The following ILDR1 variants were observed in gnomAD, a reference collection of about 807,000 sequenced individuals.
ILDR1 encodes the protein immunoglobulin-like domain-containing receptor 1.
Under a neutral mutation model 62.4 loss-of-function variants are expected in ILDR1, and 56 were observed. The ratio of observed to expected loss-of-function variants is 0.90; its 90% CI spans 0.72 to 1.12. ILDR1 has a LOEUF of 1.12. ILDR1 is among the 50% of genes most tolerant of loss of function. The pLI, the probability that ILDR1 is intolerant of heterozygous loss-of-function variation, is 0.00. For synonymous variants in ILDR1, 284 were observed against 277.8 expected (o/e 1.02, Z -0.22); for missense variants, 736 against 710.6 (o/e 1.04, Z -0.41).
intron 1 of ILDR1, among the ~76,000 whole-genome samples, chr3:122,008,944 T>C (rs1347044046): frequency 2.6e-5 from 4 of 151,264 alleles, no homozygotes; most frequent in African/African-American, 9.7e-5. Flanking sequence ...CTTTTTTTCT[T>C]TTTTTTTGAG....
Position 122,012,032 on chromosome 3 carries a change from C to T in ILDR1, c.59-4871G>A, listed in dbSNP as rs1467490066. Among the ~76,000 whole-genome samples, 4 of 152,200 alleles carry T rather than the reference C, an allele frequency of 2.6e-5. No homozygotes were observed. In the East Asian group the frequency reaches 5.8e-4, roughly 22 times the overall value. ...CAAAGTAGAAGTCAGGCGCCAGGCTCTTAAAAAGCAGTCAGATTTTCCAGA... is the reference window on the plus strand; with the variant it reads ...CAAAGTAGAAGTCAGGCGCCAGGCTTTTAAAAAGCAGTCAGATTTTCCAGA... On this transcript the variant is annotated intron_variant, in intron 1 of 7. Transcript: ENST00000344209.
the ILDR1 span, among the ~76,000 whole-genome samples, chr3:122,044,713 T>G: frequency 1.3e-5 from 2 of 151,384 alleles, no homozygotes; most frequent in Non-Finnish European, 3.0e-5. Flanking sequence ...GTAGAGGTGT[T>G]TGTAGTATTC....
At chr3:122,059,193 T>G in the ILDR1 span, among the ~76,000 whole-genome samples, 9 of 152,038 alleles carry the variant, frequency 5.9e-5, no homozygotes, top group Admixed American at 5.2e-4. Context: ...ACATGAAGAG[T>G]CTTCTGCATA....
chr3:122,007,340 G>A (rs998203481), intron 1 of ILDR1, 179 bp from the exon 2 acceptor site: 43 of 1,367,354 alleles, frequency 3.1e-5, no homozygotes, highest in East Asian at 1.5e-4. Flanking sequence ...GGGTGAGAAC[G>A]CACTCAGCAG....
chr3:121,989,864 T>C (rs2071313819), intron 7 of ILDR1, among the ~76,000 whole-genome samples: 1 of 115,962 alleles, frequency 8.6e-6, no homozygotes, highest in African/African-American at 3.0e-5. Flanking sequence ...TCAATATCTA[T>C]TTGTCAAATA....
At chr3:122,021,874 C>G (rs1300115744) in intron 1 of ILDR1, 146 bp downstream of exon 1, 2 of 720,480 alleles carry the variant, frequency 2.8e-6, no homozygotes, top group Admixed American at 2.3e-5. Context: ...GATCCAGTCC[C>G]CGCACCTCCT....
At chr3:122,047,947 C>A in the ILDR1 span, among the ~76,000 whole-genome samples, 1 of 152,184 alleles carries the variant, frequency 6.6e-6, no homozygotes, top group African/African-American at 2.4e-5. Context: ...CCACCTATTT[C>A]TTTTTCTTAC....
In ILDR1 at chr3:121,988,419, G is replaced by T; in HGVS notation, c.1600-11C>A. The T allele has an allele frequency of 6.2e-7, 1 of 1,611,558 alleles. No individual in the cohort carries two copies. Among genetic ancestry groups the T allele is most frequent in the Non-Finnish European group, 8.5e-7 (1 of 1,177,782 alleles). ...AGAGCTGTCTTTCTCCTGGGAAATA[G>T]AAGAATACACACACAAAAAAAATCC... On this transcript the variant is annotated splice_polypyrimidine_tract_variant and intron_variant, in intron 7 of 7. Transcript: ENST00000344209.
intron 1 of ILDR1, among the ~76,000 whole-genome samples, chr3:122,017,245 C>T (rs905213716): frequency 5.9e-5 from 9 of 152,206 alleles, no homozygotes; most frequent in Non-Finnish European, 8.8e-5. Flanking sequence ...GAAGGGGTTT[C>T]GCCATGTTGG....
At chr3:122,009,447 TG>T (rs201777200) in intron 1 of ILDR1, among the ~76,000 whole-genome samples, 1 of 94,206 alleles carries the variant, frequency 1.1e-5, no homozygotes, top group Non-Finnish European at 2.2e-5. Flanking sequence ...ACTCTCTCTC[TG>T]AGCTAGTTTC....
chr3:122,003,351 A>AT (rs970114316), intron 3 of ILDR1, among the ~76,000 whole-genome samples: 2 of 152,032 alleles, frequency 1.3e-5, no homozygotes, highest in Non-Finnish European at 2.9e-5. Context: ...AATATCTACA[A>AT]TTTTTTTCCT....
chr3:121,997,772 C>T (rs2071459256), intron 5 of ILDR1, among the ~76,000 whole-genome samples: 1 of 152,176 alleles, frequency 6.6e-6, no homozygotes, highest in Non-Finnish European at 1.5e-5. Flanking sequence ...AGTAACTGCT[C>T]TAGGGATGAA....
At position 121,993,319 on chromosome 3, in the gene ILDR1, C is replaced by A; in HGVS notation, c.1430G>T (p.Ser477Ile). Reference sequence around the variant, plus strand: ...CTTGTCCTCTTCAGAGCTCCAGGAACTGAGGCCGGAGGGCAAGGGAGGAGA... The same window carrying A: ...CTTGTCCTCTTCAGAGCTCCAGGAAATGAGGCCGGAGGGCAAGGGAGGAGA... ...SYSPPLPSGL[S>I]SWSSEEDKER... Residue 477 changes from serine to isoleucine, a missense_variant, in exon 7 of 8, where the codon AGT becomes ATT. Coordinates refer to ENST00000344209, the MANE Select transcript of ILDR1 (RefSeq NM_001199799.2). 1.2e-6 allele frequency: 2 copies of A among 1,612,028 alleles called. No homozygotes were observed. Among genetic ancestry groups the A allele is most frequent in the Non-Finnish European group, 1.7e-6 (2 of 1,178,548 alleles).
chr3:122,017,757 G>T (rs2107678505), intron 1 of ILDR1, among the ~76,000 whole-genome samples: 1 of 152,296 alleles, frequency 6.6e-6, no homozygotes, highest in East Asian at 1.9e-4. Context: ...CTTCTCCAAA[G>T]AAGACATTTA....
Position 122,005,236 on chromosome 3 carries a change from G to T in ILDR1, c.379+8C>A. 2.3e-6 allele frequency: 1 copy of T among 436,014 alleles called. No homozygotes were observed. Among genetic ancestry groups the T allele is most frequent in the Non-Finnish European group, 4.0e-6 (1 of 248,440 alleles). The allele number at this position is 436,014 out of a possible 1,614,324, so 27.0% of individuals were successfully genotyped here. ...CCCCAGTTCCCCTGACACCTCCCCC[G>T]CACTCACGGTTCTGGATGGTGATCT... is the stretch of plus-strand genomic sequence containing the variant. On this transcript the variant is annotated splice_region_variant and intron_variant, in intron 3 of 7. Transcript: ENST00000344209.
chr3:122,057,496 A>G, the ILDR1 span, among the ~76,000 whole-genome samples: 2 of 152,236 alleles, frequency 1.3e-5, no homozygotes, highest in South Asian at 4.1e-4. Flanking sequence ...ACTTTTATAC[A>G]TGATACATGT....
At chr3:122,029,511 A>T in the ILDR1 span, among the ~76,000 whole-genome samples, 1,373 of 139,320 alleles carry the variant, frequency 9.9e-3, 25 homozygotes, top group African/African-American at 0.032. Flanking sequence ...GTCTAAAAAA[A>T]ATATATATAT....
chr3:122,024,723 C>T (rs1408548764), upstream of ILDR1, among the ~76,000 whole-genome samples: 3 of 152,106 alleles, frequency 2.0e-5, no homozygotes, highest in South Asian at 2.1e-4. Flanking sequence ...ATGTGGAAAC[C>T]GAGGTACAAA....
At chr3:121,994,058 C>A (rs991074026) in intron 6 of ILDR1, 88 bp from the exon 7 acceptor site, 32 of 1,502,718 alleles carry the variant, frequency 2.1e-5, no homozygotes, top group Non-Finnish European at 2.9e-5. Context: ...CATTGGTTAG[C>A]ATGAATCCCT....
Sources: allele counts gnomAD v4.1 joint callset (sites outside exome capture counted in the v4.1 genomes callset), GRCh38; gene constraint gnomAD v4.1.1; transcripts MANE v1.5; gene names NCBI Gene and HGNC (gene_info 2026-07-23, HGNC 2026-07-21).